ST18: variants seen among roughly 807,000 people sequenced by gnomAD.
The protein encoded by ST18 is suppression of tumorigenicity 18 protein.
Under a neutral mutation model 110.0 loss-of-function variants are expected in ST18, and 50 were observed. The observed-to-expected ratio is 0.45, with a 90% confidence interval of 0.36 to 0.58. The LOEUF (loss-of-function observed/expected upper bound fraction) is 0.58, where lower values mean the gene tolerates loss of function less well. Ranked by LOEUF, ST18 falls within the 20% of genes least tolerant of loss-of-function variation. The pLI is 0.00. For synonymous variants in ST18, 461 were observed against 452.4 expected, an observed-to-expected ratio of 1.02 and a Z score of -0.24; for missense variants, 1,306 against 1,280.1, an observed-to-expected ratio of 1.02 and a Z score of -0.31.
chr8:52,295,266 A>C (rs2095614537), intron 2 of ST18, among the ~76,000 whole-genome samples: 1 of 152,238 alleles, frequency 6.6e-6, no homozygotes, highest in Admixed American at 6.5e-5. Flanking sequence ...CGCTTTATTT[A>C]AAGATAGAAG....
chr8:52,373,520 G>T (rs1467386852), intron 2 of ST18, among the ~76,000 whole-genome samples: 2 of 151,786 alleles, frequency 1.3e-5, no homozygotes, highest in Non-Finnish European at 2.9e-5. Flanking sequence ...TTTCTCAGGA[G>T]CTCCTTCCCA....
intron 17 of ST18, among the ~76,000 whole-genome samples, chr8:52,138,392 T>C (rs2053379209): frequency 2.0e-5 from 3 of 152,228 alleles, no homozygotes; most frequent in South Asian, 4.1e-4. Context: ...TTAAGATGTG[T>C]GCCCCTGCAT....
intron 2 of ST18, among the ~76,000 whole-genome samples, chr8:52,290,098 C>T (rs1473456671): frequency 6.6e-6 from 1 of 152,148 alleles, no homozygotes; most frequent in African/African-American, 2.4e-5. Flanking sequence ...CCATGTCCCT[C>T]CTCACATAGA....
intron 2 of ST18, among the ~76,000 whole-genome samples, chr8:52,290,729 C>T (rs2095542972): frequency 6.6e-6 from 1 of 152,008 alleles, no homozygotes; most frequent in South Asian, 2.1e-4. Flanking sequence ...CCTTTCTTCA[C>T]CAGCCCTGCC....
chr8:52,229,846 C>G (rs193017035), intron 3 of ST18, 186 bp downstream of exon 3: 1 of 152,264 alleles, frequency 6.6e-6, no homozygotes, highest in Non-Finnish European at 1.5e-5. Context: ...GGTGTAAACA[C>G]TCCTCAAAAA....
intron 2 of ST18, among the ~76,000 whole-genome samples, chr8:52,369,792 G>A (rs1343308138): frequency 1.3e-5 from 2 of 152,184 alleles, no homozygotes; most frequent in Non-Finnish European, 2.9e-5. Context: ...CATTAAATGT[G>A]TGACTATCAA....
intron 2 of ST18, among the ~76,000 whole-genome samples, chr8:52,273,581 T>C (rs897788553): frequency 6.6e-6 from 1 of 152,220 alleles, no homozygotes; most frequent in Non-Finnish European, 1.5e-5. Flanking sequence ...CTTAAAAGTA[T>C]ACAAGGATCT....
intron 19 of ST18, among the ~76,000 whole-genome samples, chr8:52,135,988 T>C (rs1193349131): frequency 1.3e-5 from 2 of 152,192 alleles, no homozygotes; most frequent in Non-Finnish European, 2.9e-5. Flanking sequence ...TTTTAAGGAC[T>C]AAAAGGTAGA....
intron 15 of ST18, 44 bp from the exon 16 acceptor site, chr8:52,150,021 G>T: frequency 6.3e-7 from 1 of 1,581,858 alleles, no homozygotes; most frequent in East Asian, 2.2e-5. Context: ...GCAGTTTGCA[G>T]TTACAGCCTA....
chr8:52,212,927 C>G (rs1478330108), intron 7 of ST18, among the ~76,000 whole-genome samples: 1 of 152,116 alleles, frequency 6.6e-6, no homozygotes, highest in East Asian at 1.9e-4. Context: ...ATAAGAAATT[C>G]AAATAATCGA....
chr8:52,386,967 G>A (rs555129028), intron 2 of ST18, among the ~76,000 whole-genome samples: 37 of 152,194 alleles, frequency 2.4e-4, no homozygotes, highest in African/African-American at 2.9e-4. Flanking sequence ...CTTTCTAAAC[G>A]GAAGCACTTT....
intron 2 of ST18, among the ~76,000 whole-genome samples, chr8:52,279,508 T>G (rs997869260): frequency 6.6e-6 from 1 of 152,144 alleles, no homozygotes; most frequent in African/African-American, 2.4e-5. Flanking sequence ...CAACGAGAAG[T>G]TGGGTGGAAA....
In ST18 at chr8:52,180,153, G is replaced by A. The variant is rs759906016; in HGVS notation, c.246C>T (p.Gly82=). 2 of 1,614,068 alleles carry A rather than the reference G, an allele frequency of 1.2e-6. No individual in the cohort carries two copies. Among genetic ancestry groups the A allele is most frequent in the Non-Finnish European group, 1.7e-6 (2 of 1,180,016 alleles). The change falls in exon 9 of 26, where the codon GGC becomes GGT. Residue 82 remains glycine, a synonymous_variant. Transcript: ENST00000689386. The part of the protein sequence containing the change: ...EDRSDRTEDD[G]PLETHGHSTA... The stretch of plus-strand genomic sequence containing the variant: ...TAGAGTGACCATGTGTTTCCAAGGG[G>A]CCATCGTCCTCTGTCCTGTCACTGC...
At chr8:52,269,966 TA>T (rs1225345791) in intron 2 of ST18, among the ~76,000 whole-genome samples, 1 of 152,176 alleles carries the variant, frequency 6.6e-6, no homozygotes, top group Non-Finnish European at 1.5e-5. Flanking sequence ...TCCTTGAGTT[TA>T]AAAAACAACT....
intron 2 of ST18, among the ~76,000 whole-genome samples, chr8:52,301,034 G>A (rs889403457): frequency 6.6e-6 from 1 of 152,146 alleles, no homozygotes; most frequent in African/African-American, 2.4e-5. Flanking sequence ...TTATTTTCTA[G>A]GAATGATGAC....
At chr8:52,361,282 T>C (rs1055605876) in intron 2 of ST18, among the ~76,000 whole-genome samples, 12 of 152,328 alleles carry the variant, frequency 7.9e-5, no homozygotes, top group East Asian at 3.9e-4. Flanking sequence ...GAAATATTTA[T>C]ATAAAAAGAC....
At chr8:52,381,417 C>A (rs1834466011) in intron 2 of ST18, among the ~76,000 whole-genome samples, 1 of 152,180 alleles carries the variant, frequency 6.6e-6, no homozygotes, top group Non-Finnish European at 1.5e-5. Context: ...CCCAAATAGA[C>A]AGAAACCCTT....
At chr8:52,203,640 G>A (rs11989054) in intron 8 of ST18, among the ~76,000 whole-genome samples, 4,150 of 152,230 alleles carry the variant, frequency 0.027, 200 homozygotes, top group African/African-American at 0.093. Context: ...AATAGGTATA[G>A]TTTACTTAAA....
At chr8:52,183,875 G>T (rs2070916117) in intron 8 of ST18, among the ~76,000 whole-genome samples, 2 of 152,148 alleles carry the variant, frequency 1.3e-5, no homozygotes, top group African/African-American at 4.8e-5. Flanking sequence ...CATAACATTT[G>T]CTTTAAATCT....
Sources: gnomAD v4.1 joint callset for allele counts (sites outside exome capture counted in the v4.1 genomes callset) on GRCh38, gnomAD v4.1.1 for gene constraint, MANE v1.5 for transcripts, NCBI Gene and HGNC (gene_info 2026-07-23, HGNC 2026-07-21) for gene names.